Variants in RSC1A1 observed in about 807,000 individuals in gnomAD.
RSC1A1 encodes the protein regulator of solute carriers 1.
In RSC1A1, 6 loss-of-function variants were observed where a neutral mutation model predicts 7.7. The observed-to-expected ratio is 0.78, with a 90% confidence interval of 0.43 to 1.53. RSC1A1 has a LOEUF of 1.53. RSC1A1 is among the 40% of genes most tolerant of loss of function. RSC1A1 has a pLI of 0.01. For synonymous variants in RSC1A1, 250 were observed against 263.0 expected, an observed-to-expected ratio of 0.95 and a Z score of 0.48; for missense variants, 729 against 726.3, an observed-to-expected ratio of 1.00 and a Z score of -0.04.
Position 15,661,832 on chromosome 1 carries a change from C to T in RSC1A1, c.*110C>T. The T allele has an allele frequency of 7.6e-7, 1 of 1,315,078 alleles. No individual in the cohort carries two copies. Among genetic ancestry groups the T allele is most frequent in the Non-Finnish European group, 9.8e-7 (1 of 1,018,090 alleles). The allele number at this position is 1,315,078 out of a possible 1,614,324, so 81.5% of individuals were successfully genotyped here. A position where few individuals can be genotyped will look rare whatever the true frequency, so the allele number is the denominator to read the frequency against. ...CCACATATACAGTATATATAGAAAC[C>T]TGCAAGCAGAATGTTGAGCCAGATT... is the stretch of plus-strand genomic sequence containing the variant. On this transcript the variant is annotated 3_prime_UTR_variant, in exon 1 of 1. Coordinates refer to ENST00000345034, the MANE Select transcript of RSC1A1 (RefSeq NM_006511.3).
chr1:15,660,989 C>T lies in RSC1A1; in HGVS notation c.1121C>T (p.Thr374Ile). The change falls in exon 1 of 1, where the codon ACA becomes ATA. Residue 374 changes from threonine to isoleucine, a missense_variant. Coordinates refer to ENST00000345034, the MANE Select transcript of RSC1A1 (RefSeq NM_006511.3). The stretch of plus-strand genomic sequence containing the variant: ...AGCAGTAAACCAGCTTCAGAAAATA[C>T]ATCTGAAGAAGTAATCTGTCAATCA... ...VVSSKPASEN[T>I]SEEVICQSET... The T allele has an allele frequency of 6.2e-7, 1 of 1,613,980 alleles. No individual in the cohort carries two copies. Among genetic ancestry groups the T allele is most frequent in the Non-Finnish European group, 8.5e-7 (1 of 1,179,970 alleles).
chr1:15,659,911 C>T lies in RSC1A1; in HGVS notation c.43C>T (p.Arg15Cys), dbSNP rs542092040. The T allele has an allele frequency of 4.1e-5, 66 of 1,605,404 alleles. No individual in the cohort carries two copies. In the South Asian group the frequency reaches 5.3e-4, roughly 13 times the overall value. ...TTCAGATGGGTTTAACCATCCCGCC[C>T]GTTCTTCAGGACAGAGTCCTGATGT... Reference protein sequence around the residue: ...PTSDGFNHPARSSGQSPDVGN... With the variant: ...PTSDGFNHPACSSGQSPDVGN... The change falls in exon 1 of 1, where the codon CGT becomes TGT. Residue 15 changes from arginine (R) to cysteine (C), a missense_variant. Coordinates refer to ENST00000345034, the MANE Select transcript of RSC1A1 (RefSeq NM_006511.3).
At position 15,661,757 on chromosome 1, in the gene RSC1A1, C is replaced by G; in HGVS notation, c.*35C>G. Reference sequence around the variant, plus strand: ...AGTGGGCTAGACCGTTCTCCATTCCCTTTAAACAAAAGAAAGCTCTCTCTA... The same window carrying G: ...AGTGGGCTAGACCGTTCTCCATTCCGTTTAAACAAAAGAAAGCTCTCTCTA... On this transcript the variant is annotated 3_prime_UTR_variant, in exon 1 of 1. Transcript: ENST00000345034. 6.4e-7 allele frequency: 1 copy of G among 1,558,286 alleles called. No homozygotes were observed. The highest frequency in any genetic ancestry group is 1.2e-5 in the South Asian group (1 of 81,032).
chr1:15,661,826 A>G lies in RSC1A1; in HGVS notation c.*104A>G. The G allele has an allele frequency of 1.5e-6, 2 of 1,346,200 alleles. No individual in the cohort carries two copies. The highest frequency in any genetic ancestry group is 2.7e-5 in the East Asian group (1 of 37,002). The allele number at this position is 1,346,200 out of a possible 1,614,324, so 83.4% of individuals were successfully genotyped here. A position where few individuals can be genotyped will look rare whatever the true frequency, so the allele number is the denominator to read the frequency against. ...CACTCACCACATATACAGTATATAT[A>G]GAAACCTGCAAGCAGAATGTTGAGC... On this transcript the variant is annotated 3_prime_UTR_variant, in exon 1 of 1. Transcript: ENST00000345034.
At position 15,659,902 on chromosome 1, in the gene RSC1A1, C is replaced by T. The variant is rs943224662; in HGVS notation, c.34C>T (p.His12Tyr). ...ATTACCAACTTCAGATGGGTTTAAC[C>T]ATCCCGCCCGTTCTTCAGGACAGAG... ...SSLPTSDGFN[H>Y]PARSSGQSPD... The change falls in exon 1 of 1, where the codon CAT becomes TAT. Residue 12 changes from histidine to tyrosine, a missense_variant. Physicochemically the swap from His to Tyr is moderately conservative, Grantham distance 83. Coordinates refer to ENST00000345034, the MANE Select transcript of RSC1A1 (RefSeq NM_006511.3). 3.7e-6 allele frequency: 6 copies of T among 1,601,148 alleles called. No homozygotes were observed. Among genetic ancestry groups the T allele is most frequent in the African/African-American group, 1.3e-5 (1 of 74,222 alleles).
rs1157710637 is a variant in RSC1A1 at position 15,661,201 on chromosome 1, A to T, written c.1333A>T (p.Asn445Tyr). ...DTGREAVENV[N>Y]FRSLGDGLST... ...TGGAAGAGAAGCTGTAGAAAATGTA[A>T]ACTTCAGGAGTCTAGGTGATGGCCT... Residue 445 changes from asparagine (N) to tyrosine (Y), a missense_variant, in exon 1 of 1, where the codon AAC becomes TAC. By Grantham distance (143) the Asn-to-Tyr change is moderately radical. Transcript: ENST00000345034. 1 of 1,614,048 alleles carries T rather than the reference A, an allele frequency of 6.2e-7. No homozygotes were observed. The highest frequency in any genetic ancestry group is 8.5e-7 in the Non-Finnish European group (1 of 1,180,026).
chr1:15,661,617 TG>T, the RSC1A1 span: 13 of 1,614,012 alleles, frequency 8.1e-6, no homozygotes, highest in Non-Finnish European at 1.1e-5. Context: ...TTCTCCGTGC[TG>T]GCTTTACTTT....
chr1:15,661,311 C>G lies in RSC1A1; in HGVS notation c.1443C>G (p.Ser481=). ...TCACTGTAACCTCAGCTAAAACATC[C>G]AATCAGTTACACTGCACCTTAGGTG... The part of the protein sequence containing the change: ...RSVTVTSAKT[S]NQLHCTLGVE... The change falls in exon 1 of 1, where the codon TCC becomes TCG. Residue 481 remains serine, a synonymous_variant. Coordinates refer to ENST00000345034, the MANE Select transcript of RSC1A1 (RefSeq NM_006511.3). The G allele has an allele frequency of 1.9e-6, 3 of 1,613,954 alleles. No individual in the cohort carries two copies. Among genetic ancestry groups the G allele is most frequent in the Non-Finnish European group, 2.5e-6 (3 of 1,179,930 alleles).
Position 15,660,865 on chromosome 1 carries a change from A to C in RSC1A1, c.997A>C (p.Ser333Arg), listed in dbSNP as rs1192752539. 1 of 1,614,166 alleles carries C rather than the reference A, an allele frequency of 6.2e-7. No individual in the cohort carries two copies. The highest frequency in any genetic ancestry group is 8.5e-7 in the Non-Finnish European group (1 of 1,180,034). ...NKEYGHYSSPSLCGSCQPSVE... is the reference protein window; with the variant it reads ...NKEYGHYSSPRLCGSCQPSVE... ...AGAATATGGCCATTACTCCTCTCCA[A>C]GTCTCTGTGGCAGTTGTCAGCCTTC... Residue 333 changes from serine to arginine, a missense_variant, in exon 1 of 1, where the codon AGT becomes CGT. Coordinates refer to ENST00000345034, the MANE Select transcript of RSC1A1 (RefSeq NM_006511.3).
the RSC1A1 span, chr1:15,660,710 C>CT: frequency 6.2e-7 from 1 of 1,613,940 alleles, no homozygotes; most frequent in East Asian, 2.2e-5. Flanking sequence ...TTGGATCTCA[C>CT]TTTAGATAAT....
chr1:15,660,072 G>T lies in RSC1A1; in HGVS notation c.204G>T (p.Lys68Asn), dbSNP rs1439051831. 1 of 1,613,890 alleles carries T rather than the reference G, an allele frequency of 6.2e-7. No individual in the cohort carries two copies. The highest frequency in any genetic ancestry group is 1.1e-5 in the South Asian group (1 of 91,050). The change falls in exon 1 of 1, where the codon AAG (lysine) becomes AAT (asparagine). Residue 68 changes from lysine to asparagine, a missense_variant. Physicochemically the swap from Lys to Asn is moderately conservative, Grantham distance 94. Coordinates refer to ENST00000345034, the MANE Select transcript of RSC1A1 (RefSeq NM_006511.3). ...ASAEFQLNSE[K>N]KEHLSLQDLS... Reference sequence around the variant, plus strand: ...CTGAATTCCAGCTAAACTCTGAAAAGAAAGAACATCTTTCTTTACAAGATC... The same window carrying T: ...CTGAATTCCAGCTAAACTCTGAAAATAAAGAACATCTTTCTTTACAAGATC...
Position 15,660,069 on chromosome 1 carries a change from AAAG to A in RSC1A1, c.204_206del (p.Lys69del), listed in dbSNP as rs1235770836. 1 of 1,613,950 alleles carries A rather than the reference AAAG, an allele frequency of 6.2e-7. No homozygotes were observed. Among genetic ancestry groups the A allele is most frequent in the Admixed American group, 1.7e-5 (1 of 59,930 alleles). On this transcript the variant is annotated inframe_deletion, in exon 1 of 1. Transcript: ENST00000345034. ...CAGCTGAATTCCAGCTAAACTCTGA[AAAG>A]AAAGAACATCTTTCTTTACAAGATC...
Position 15,661,620 on chromosome 1 carries a change from C to T in RSC1A1, c.1752C>T (p.Gly584=). The T allele has an allele frequency of 6.2e-7, 1 of 1,614,118 alleles. No homozygotes were observed. The highest frequency in any genetic ancestry group is 8.5e-7 in the Non-Finnish European group (1 of 1,180,038). ...ATATTGACCGCATTCTCCGTGCTGG[C>T]TTTACTTTGCAGGAAGCTCTTGGAG... ...ATDIDRILRA[G]FTLQEALGAL... The change falls in exon 1 of 1, where the codon GGC becomes GGT. Residue 584 remains glycine (G), a synonymous_variant. Transcript: ENST00000345034.
Position 15,661,696 on chromosome 1 carries a change from G to A in RSC1A1, c.1828G>A (p.Ala610Thr), listed in dbSNP as rs148969593. ...AGACCTTGCACTTCTTGTTTTGCTCGCAAAAAACATCGTAGTTCCTACATG... is the reference window on the plus strand; with the variant it reads ...AGACCTTGCACTTCTTGTTTTGCTCACAAAAAACATCGTAGTTCCTACATG... Reference protein sequence around the residue: ...NADLALLVLLAKNIVVPT With the variant: ...NADLALLVLLTKNIVVPT Residue 610 changes from alanine to threonine, a missense_variant, in exon 1 of 1, where the codon GCA (alanine) becomes ACA (threonine). Transcript: ENST00000345034. The A allele has an allele frequency of 1.2e-5, 20 of 1,608,530 alleles. No individual in the cohort carries two copies. Among genetic ancestry groups the A allele is most frequent in the South Asian group, 2.2e-5 (2 of 90,340 alleles).
At position 15,661,109 on chromosome 1, in the gene RSC1A1, TCTC is replaced by T. The variant is rs1034421889; in HGVS notation, c.1244_1246del (p.Ser415del). 9 of 1,613,530 alleles carry T rather than the reference TCTC, an allele frequency of 5.6e-6. No individual in the cohort carries two copies. The highest frequency in any genetic ancestry group is 2.2e-5 in the South Asian group (2 of 91,000). ...ACCCAGAATGAACAGTGTCCACAAGTCTCCTTTCATCAGGCCATATCTGTATCA... is the reference window on the plus strand; with the variant it reads ...ACCCAGAATGAACAGTGTCCACAAGTCTTTCATCAGGCCATATCTGTATCA... On this transcript the variant is annotated inframe_deletion, in exon 1 of 1. Coordinates refer to ENST00000345034, the MANE Select transcript of RSC1A1 (RefSeq NM_006511.3).
the RSC1A1 span, chr1:15,659,945 CTA>C: frequency 3.1e-6 from 5 of 1,613,922 alleles, no homozygotes; most frequent in East Asian, 4.5e-5. Context: ...GTTGGTAATC[CTA>C]TGAGTCTTGC....
At position 15,661,527 on chromosome 1, in the gene RSC1A1, T is replaced by C; in HGVS notation, c.1659T>C (p.Tyr553=). The C allele has an allele frequency of 6.2e-7, 1 of 1,614,122 alleles. No individual in the cohort carries two copies. The highest frequency in any genetic ancestry group is 1.1e-5 in the South Asian group (1 of 91,016). Residue 553 remains tyrosine, a synonymous_variant, in exon 1 of 1, where the codon TAT becomes TAC. Transcript: ENST00000345034. ...ATGCTTCGAGGCCATTACTTGAATA[T>C]GAACCACCTACCAGCCATCCATCAT... ...CPDASRPLLE[Y]EPPTSHPSSS... is the part of the protein sequence containing the mutation.
At position 15,661,238 on chromosome 1, in the gene RSC1A1, A is replaced by T. The variant is rs1331240172; in HGVS notation, c.1370A>T (p.Lys457Met). The change falls in exon 1 of 1, where the codon AAG (lysine) becomes ATG (methionine). Residue 457 changes from lysine (K) to methionine (M), a missense_variant. Transcript: ENST00000345034. ...CTAGGTGATGGCCTGTCAACCGATAAGGAAGGTGTCCCCAAATCTAGGGAA... is the reference window on the plus strand; with the variant it reads ...CTAGGTGATGGCCTGTCAACCGATATGGAAGGTGTCCCCAAATCTAGGGAA... ...RSLGDGLSTD[K>M]EGVPKSRESI... 7 of 1,614,072 alleles carry T rather than the reference A, an allele frequency of 4.3e-6. No individual in the cohort carries two copies. The highest frequency in any genetic ancestry group is 5.9e-6 in the Non-Finnish European group (7 of 1,180,034).
chr1:15,660,183 T>G lies in RSC1A1; in HGVS notation c.315T>G (p.Thr105=), dbSNP rs1420393517. The G allele has an allele frequency of 2.5e-6, 4 of 1,614,126 alleles. No homozygotes were observed. In the East Asian group the frequency reaches 8.9e-5, roughly 36 times the overall value. ...MPMQNSSEEI[T]VAGNLEKSAE... The stretch of plus-strand genomic sequence containing the variant: ...TGCAGAATTCATCCGAAGAAATAAC[T>G]GTTGCAGGTAATCTGGAGAAATCTG... The change falls in exon 1 of 1, where the codon ACT becomes ACG. Residue 105 remains threonine, a synonymous_variant. Transcript: ENST00000345034.
Sources: allele counts gnomAD v4.1 joint callset, GRCh38; gene constraint gnomAD v4.1.1; transcripts MANE v1.5; gene names NCBI Gene and HGNC (gene_info 2026-07-23, HGNC 2026-07-21).